SNTG1: variants seen among roughly 807,000 people sequenced by gnomAD.
SNTG1 encodes the protein gamma-1-syntrophin.
In SNTG1, 39 loss-of-function variants were observed where a neutral mutation model predicts 74.7. That is an observed-to-expected ratio of 0.52 (90% confidence interval 0.40 to 0.68). SNTG1 has a LOEUF of 0.68. Among genes scored for constraint, SNTG1 ranks in the 30% least tolerant of loss-of-function variants. The probability of loss-of-function intolerance (pLI) is 0.00; values close to 1 mark genes in which losing one functional copy is unlikely to be tolerated. For synonymous variants in SNTG1, 254 were observed against 217.1 expected (o/e 1.17, Z -1.49); for missense variants, 685 against 609.5 (o/e 1.12, Z -1.30).
chr8:50,396,785 GC>G (rs2092733651), intron 3 of SNTG1, among the ~76,000 whole-genome samples: 1 of 152,030 alleles, frequency 6.6e-6, no homozygotes, highest in Admixed American at 6.6e-5. Flanking sequence ...AATTAAAAAG[GC>G]CTTAACTTTT....
At chr8:50,109,336 C>G (rs954572763) in intron 1 of SNTG1, among the ~76,000 whole-genome samples, 2 of 152,160 alleles carry the variant, frequency 1.3e-5, no homozygotes, top group African/African-American at 4.8e-5. Flanking sequence ...AGATGCAATT[C>G]ATATTCACTT....
intron 1 of SNTG1, among the ~76,000 whole-genome samples, chr8:50,072,782 G>C (rs1821488667): frequency 6.6e-6 from 1 of 152,146 alleles, no homozygotes; most frequent in Admixed American, 6.5e-5. Flanking sequence ...GCAATAAGGT[G>C]AATATTGTAA....
chr8:50,750,980 G>C (rs956727208), intron 17 of SNTG1, among the ~76,000 whole-genome samples: 1 of 151,874 alleles, frequency 6.6e-6, no homozygotes, highest in African/African-American at 2.4e-5. Context: ...CATATACTCT[G>C]TTCTTTCTTT....
intron 2 of SNTG1, among the ~76,000 whole-genome samples, chr8:50,366,799 T>A (rs922956546): frequency 1.5e-4 from 21 of 144,020 alleles, no homozygotes; most frequent in South Asian, 4.2e-4. Context: ...TATAATACTA[T>A]AATAAAATAT....
At chr8:50,675,437 T>G (rs2095305497) in intron 15 of SNTG1, among the ~76,000 whole-genome samples, 1 of 152,066 alleles carries the variant, frequency 6.6e-6, no homozygotes, top group Admixed American at 6.6e-5. Context: ...TCTTTTTAAA[T>G]CTTTGTTGGT....
intron 18 of SNTG1, among the ~76,000 whole-genome samples, chr8:50,786,882 A>T (rs1477954143): frequency 2.0e-5 from 3 of 151,954 alleles, no homozygotes; most frequent in African/African-American, 7.2e-5. Context: ...CTGTAAACCT[A>T]TTTGAAGAAA....
rs1028919654 is a variant in SNTG1, at chr8:50,575,194, G to A, written c.811-15685G>A. Among the ~76,000 whole-genome samples the A allele has an allele frequency of 2.0e-5, 3 of 152,234 alleles. No homozygotes were observed. In the South Asian group the frequency reaches 6.2e-4, roughly 32 times the overall value. On this transcript the variant is annotated intron_variant, in intron 12 of 18. Transcript: ENST00000642720. ...TAAGAAGAGTTTATTATATAGTGGA[G>A]CTACTAATCATTTTGTAATGTTTTC...
At chr8:50,168,191 T>G (rs1346945210) in intron 1 of SNTG1, among the ~76,000 whole-genome samples, 1 of 152,154 alleles carries the variant, frequency 6.6e-6, no homozygotes, top group African/African-American at 2.4e-5. Flanking sequence ...TCTACACATC[T>G]TTAGGAAGGA....
At chr8:50,649,633 G>C (rs1421186728) in intron 13 of SNTG1, among the ~76,000 whole-genome samples, 1 of 152,170 alleles carries the variant, frequency 6.6e-6, no homozygotes, top group Non-Finnish European at 1.5e-5. Context: ...ATATACAACA[G>C]TGGTTTTAAA....
intron 4 of SNTG1, among the ~76,000 whole-genome samples, chr8:50,432,323 C>T (rs2093246999): frequency 6.6e-6 from 1 of 151,350 alleles, no homozygotes; most frequent in Non-Finnish European, 1.5e-5. Context: ...TTAGTTGATT[C>T]TACTTTTTTG....
chr8:50,678,212 T>C (rs1456599288), intron 15 of SNTG1, among the ~76,000 whole-genome samples: 1 of 152,118 alleles, frequency 6.6e-6, no homozygotes, highest in Admixed American at 6.6e-5. Flanking sequence ...CATTGTTTCT[T>C]ATGGAAACTC....
chr8:50,484,619 G>C (rs1247370995), intron 8 of SNTG1, among the ~76,000 whole-genome samples: 1 of 151,714 alleles, frequency 6.6e-6, no homozygotes, highest in Non-Finnish European at 1.5e-5. Flanking sequence ...TAGCACTTTG[G>C]GAGGCCGAGG....
rs377691852 is a variant in SNTG1 at position 50,783,650 on chromosome 8, C to G, written c.1396-9021C>G. Among the ~76,000 whole-genome samples, 80 of 152,336 alleles carry G rather than the reference C, an allele frequency of 5.3e-4. 1 individual carries two copies. In the East Asian group the frequency reaches 0.012, roughly 23 times the overall value. ...GAACTCCCTGACCCCTTGCACTTCC[C>G]GAGTGAGGCAATGCCTTGCCCTGCT... is the stretch of plus-strand genomic sequence containing the variant. On this transcript the variant is annotated intron_variant, in intron 18 of 18. Transcript: ENST00000642720.
At chr8:50,426,719 T>C (rs954088150) in intron 4 of SNTG1, among the ~76,000 whole-genome samples, 25 of 152,138 alleles carry the variant, frequency 1.6e-4, no homozygotes, top group Admixed American at 3.9e-4. Context: ...TATTATAAAG[T>C]AGTGTGCTAT....
intron 1 of SNTG1, among the ~76,000 whole-genome samples, chr8:50,132,337 C>T (rs572123345): frequency 6.6e-6 from 1 of 151,990 alleles, no homozygotes. Context: ...ATTGAAACAT[C>T]CTAAATTTTA....
chr8:50,589,602 A>C (rs1307830038), intron 12 of SNTG1, among the ~76,000 whole-genome samples: 1 of 152,030 alleles, frequency 6.6e-6, no homozygotes, highest in African/African-American at 2.4e-5. Flanking sequence ...AAAAAAAAAA[A>C]AACATTGCAG....
Position 50,671,124 on chromosome 8 carries a change from T to C in SNTG1, c.1038+12461T>C, listed in dbSNP as rs1167672173. 2.6e-5 allele frequency among the ~76,000 whole-genome samples: 4 copies of C among 152,052 alleles called. No homozygotes were observed. The South Asian group carries it at 8.3e-4, about 32-fold the overall frequency. ...AACCTAGGCATTACCATTCAGGACA[T>C]AGACATGGGCAAGGACTTCATGTCT... On this transcript the variant is annotated intron_variant, in intron 15 of 18. Transcript: ENST00000642720.
chr8:50,469,847 C>T (rs1444905448), intron 8 of SNTG1, among the ~76,000 whole-genome samples: 3 of 152,098 alleles, frequency 2.0e-5, no homozygotes, highest in Non-Finnish European at 2.9e-5. Flanking sequence ...GGCGTGGTGG[C>T]GTATGTCTAT....
chr8:50,126,348 C>G (rs189142369), intron 1 of SNTG1, among the ~76,000 whole-genome samples: 2 of 152,096 alleles, frequency 1.3e-5, no homozygotes, highest in Non-Finnish European at 2.9e-5. Context: ...ACATCCATAA[C>G]TGATACAGGA....
Sources: gnomAD v4.1 joint callset for allele counts (sites outside exome capture counted in the v4.1 genomes callset) on GRCh38, gnomAD v4.1.1 for gene constraint, MANE v1.5 for transcripts, NCBI Gene and HGNC (gene_info 2026-07-23, HGNC 2026-07-21) for gene names.